The following CDH19 variants were observed in gnomAD, a reference collection of about 807,000 sequenced individuals.
CDH19 encodes cadherin-19.
CDH19 carries 67 observed loss-of-function variants against 64.2 expected under a neutral mutation model. The ratio of observed to expected loss-of-function variants is 1.04; its 90% CI spans 0.86 to 1.28. The LOEUF is 1.28. Ranked by LOEUF, CDH19 falls within the 50% of genes most tolerant of loss-of-function variation. The probability of loss-of-function intolerance (pLI) is 0.00; values close to 1 mark genes in which losing one functional copy is unlikely to be tolerated. For missense variants in CDH19, 1,030 were observed against 929.0 expected (o/e 1.11, Z -1.41); for synonymous variants, 346 against 319.3 (o/e 1.08, Z -0.89).
At chr18:66,548,501 C>CAAGG (rs1367212554) in intron 5 of CDH19, among the ~76,000 whole-genome samples, 2 of 120,524 alleles carry the variant, frequency 1.7e-5, no homozygotes, top group Non-Finnish European at 3.5e-5. Flanking sequence ...AAAGAAAAGG[C>CAAGG]AAGGAAGGAA....
intron 9 of CDH19, among the ~76,000 whole-genome samples, chr18:66,513,073 C>A (rs1210464448): frequency 6.6e-6 from 1 of 151,350 alleles, no homozygotes; most frequent in East Asian, 1.9e-4. Flanking sequence ...TCTTTATATG[C>A]ACATTTGCTG....
chr18:66,531,872 G>T (rs936258682), intron 8 of CDH19, among the ~76,000 whole-genome samples: 7 of 152,120 alleles, frequency 4.6e-5, no homozygotes, highest in African/African-American at 1.7e-4. Context: ...AGAGTACTTA[G>T]TACATAACTG....
chr18:66,574,542 G>GA (rs1471242503), intron 1 of CDH19, among the ~76,000 whole-genome samples: 1 of 151,482 alleles, frequency 6.6e-6, no homozygotes, highest in Non-Finnish European at 1.5e-5. Flanking sequence ...TAAATCTTCT[G>GA]AAAAAACATA....
intron 5 of CDH19, among the ~76,000 whole-genome samples, chr18:66,549,871 G>A (rs1052148510): frequency 1.3e-5 from 2 of 152,002 alleles, no homozygotes; most frequent in Admixed American, 6.6e-5. Flanking sequence ...TTTGTATGAT[G>A]CCAACTTCCT....
intron 9 of CDH19, among the ~76,000 whole-genome samples, chr18:66,521,340 A>C (rs1024335379): frequency 6.6e-6 from 1 of 152,062 alleles, no homozygotes; most frequent in Non-Finnish European, 1.5e-5. Flanking sequence ...TTCATTGGCA[A>C]AGTCACCCAC....
chr18:66,544,858 G>C lies in CDH19; in HGVS notation c.821C>G (p.Ser274Cys). Reference protein sequence around the residue: ...TVSESAPTGTSIGTIMAYDND... With the variant: ...TVSESAPTGTCIGTIMAYDND... ...ATCATATGCCATGATTGTTCCTATA[G>C]AAGTCCCAGTGGGTGCAGATTCAGA... Residue 274 changes from serine to cysteine, a missense_variant, in exon 6 of 12, where the codon TCT becomes TGT. Coordinates refer to ENST00000262150, the MANE Select transcript of CDH19 (RefSeq NM_021153.4). The C allele has an allele frequency of 1.2e-6, 2 of 1,612,364 alleles. No homozygotes were observed. The highest frequency in any genetic ancestry group is 1.7e-6 in the Non-Finnish European group (2 of 1,179,170).
At position 66,572,182 on chromosome 18, in the gene CDH19, C is replaced by T. The variant is rs754638138; in HGVS notation, c.23G>A (p.Arg8His). The part of the protein sequence containing the change: MNCYLLL[R>H]FMLGIPLLWP... ...TAGGAGAGGAATTCCCAACATAAAA[C>T]GCAGCAGTAAATAACAGTTCATTGC... is the stretch of plus-strand genomic sequence containing the variant. Residue 8 changes from arginine (R) to histidine (H), a missense_variant, in exon 2 of 12, where the codon CGT (arginine) becomes CAT (histidine). Arg to His is a conservative substitution (Grantham distance 29, BLOSUM62 0). Transcript: ENST00000262150. 2.5e-6 allele frequency: 4 copies of T among 1,610,840 alleles called. No individual in the cohort carries two copies. Among genetic ancestry groups the T allele is most frequent in the Middle Eastern group, 1.7e-4 (1 of 6,034 alleles).
intron 5 of CDH19, among the ~76,000 whole-genome samples, chr18:66,550,029 G>A (rs542333363): frequency 6.6e-6 from 1 of 152,206 alleles, no homozygotes; most frequent in South Asian, 2.1e-4. Context: ...TCAAAAGATA[G>A]TTTTGTTTCT....
intron 8 of CDH19, among the ~76,000 whole-genome samples, chr18:66,530,929 G>T (rs1200178179): frequency 6.6e-6 from 1 of 152,086 alleles, no homozygotes. Context: ...GGGCAGAAGT[G>T]TGGAGCCAAA....
At chr18:66,543,780 G>A (rs989037876) in intron 7 of CDH19, among the ~76,000 whole-genome samples, 191 bp downstream of exon 7, 2 of 152,034 alleles carry the variant, frequency 1.3e-5, no homozygotes, top group Admixed American at 1.3e-4. Flanking sequence ...CTACTAGGGA[G>A]GCTGAGGCAG....
At chr18:66,526,624 A>T (rs2144403269) in intron 9 of CDH19, among the ~76,000 whole-genome samples, 1 of 152,244 alleles carries the variant, frequency 6.6e-6, no homozygotes, top group African/African-American at 2.4e-5. Context: ...GGAACTTAGT[A>T]ACATGGTGGT....
intron 1 of CDH19, among the ~76,000 whole-genome samples, chr18:66,599,709 T>A (rs1988992552): frequency 6.6e-6 from 1 of 152,026 alleles, no homozygotes; most frequent in African/African-American, 2.4e-5. Context: ...AAAATAAATA[T>A]TGAAAACATC....
chr18:66,558,307 T>C (rs1420092001), intron 3 of CDH19, among the ~76,000 whole-genome samples: 1 of 151,526 alleles, frequency 6.6e-6, no homozygotes, highest in Non-Finnish European at 1.5e-5. Flanking sequence ...ATCTTAGCAA[T>C]GCTCGATTTT....
intron 4 of CDH19, 148 bp downstream of exon 4, chr18:66,554,257 A>G: frequency 1.5e-6 from 1 of 685,130 alleles, no homozygotes; most frequent in Non-Finnish European, 2.3e-6. Flanking sequence ...CTAAAAGACT[A>G]AAAGTAATTA....
chr18:66,555,301 G>T lies in CDH19; in HGVS notation c.491-777C>A, dbSNP rs145692253. ...TGTATTTGTTGAAACACTGTTTACT[G>T]TGTCAATAAGAATAGCAACACGAAT... On this transcript the variant is annotated intron_variant, in intron 3 of 11. Transcript: ENST00000262150. Among the ~76,000 whole-genome samples the T allele has an allele frequency of 5.9e-5, 9 of 151,844 alleles. No individual in the cohort carries two copies. In the East Asian group the frequency reaches 1.7e-3, roughly 29 times the overall value.
At chr18:66,542,489 C>A (rs966520247) in intron 7 of CDH19, among the ~76,000 whole-genome samples, 2 of 152,016 alleles carry the variant, frequency 1.3e-5, no homozygotes, top group African/African-American at 4.8e-5. Flanking sequence ...CTGAAACAAA[C>A]AAATAAACAA....
intron 1 of CDH19, among the ~76,000 whole-genome samples, chr18:66,582,844 A>G (rs1438658648): frequency 2.0e-5 from 3 of 152,074 alleles, no homozygotes; most frequent in Admixed American, 2.0e-4. Context: ...GCAGTGGTAG[A>G]GGACTGTGGA....
At position 66,503,373 on chromosome 18, in the gene CDH19, T is replaced by G. The variant is rs955801596; in HGVS notation, c.*1439A>C. 1.3e-5 allele frequency: 2 copies of G among 151,856 alleles called. No individual in the cohort carries two copies. The highest frequency in any genetic ancestry group is 4.8e-5 in the African/African-American group (2 of 41,430). 9.4% of individuals were successfully genotyped at this position (151,856 alleles called of 1,614,324 possible). A position where few individuals can be genotyped will look rare whatever the true frequency, so the allele number is the denominator to read the frequency against. On this transcript the variant is annotated 3_prime_UTR_variant, in exon 12 of 12. Coordinates refer to ENST00000262150, the MANE Select transcript of CDH19 (RefSeq NM_021153.4). ...TAAAAAAATGACACTGAAGCATCAGTCATATTCCAAGCTCTTAACAGAAAA... is the reference window on the plus strand; with the variant it reads ...TAAAAAAATGACACTGAAGCATCAGGCATATTCCAAGCTCTTAACAGAAAA...
intron 8 of CDH19, among the ~76,000 whole-genome samples, chr18:66,531,395 T>C (rs1397556698): frequency 6.6e-6 from 1 of 152,150 alleles, no homozygotes; most frequent in Non-Finnish European, 1.5e-5. Flanking sequence ...GGCAGGAGGA[T>C]AACTTGAACT....
Sources: allele counts gnomAD v4.1 joint callset (sites outside exome capture counted in the v4.1 genomes callset), GRCh38; gene constraint gnomAD v4.1.1; transcripts MANE v1.5; gene names NCBI Gene and HGNC (gene_info 2026-07-23, HGNC 2026-07-21).